The following PLEKHH2 variants were observed in gnomAD, a reference collection of about 807,000 sequenced individuals.
The protein encoded by PLEKHH2 is pleckstrin homology, MyTH4 and FERM domain containing H2.
A neutral mutation model predicts 187.9 loss-of-function variants in PLEKHH2; 129 were observed. The ratio of observed to expected loss-of-function variants is 0.69; its 90% CI spans 0.59 to 0.79. The LOEUF (loss-of-function observed/expected upper bound fraction) is 0.79. Ranked by LOEUF, PLEKHH2 falls within the 30% of genes least tolerant of loss-of-function variation. PLEKHH2 has a pLI of 0.00. For synonymous variants in PLEKHH2, 686 were observed against 605.6 expected (o/e 1.13, Z -1.95); for missense variants, 2,076 against 1,751.2 (o/e 1.19, Z -3.31).
rs767616575 is a variant in PLEKHH2 at position 43,729,645 on chromosome 2, G to A, written c.2730G>A (p.Trp910Ter). The A allele has an allele frequency of 6.3e-7, 1 of 1,593,682 alleles. No homozygotes were observed. Among genetic ancestry groups the A allele is most frequent in the Admixed American group, 1.8e-5 (1 of 55,506 alleles). ...TATGTTCTGGTTTTAAGGACACTTG[G>A]CTTTATCATCTGACTGTTGCAGCTG... ...LIGSKHEKDT[W>*]LYHLTVAAGS... The change falls in exon 18 of 30, where the codon TGG (tryptophan) becomes TGA (stop). Residue 910 changes from tryptophan to a stop codon, truncating the protein, a stop_gained. Coordinates refer to ENST00000282406, the MANE Select transcript of PLEKHH2 (RefSeq NM_172069.4). LOFTEE classifies it high-confidence loss of function.
rs1474995376 is a variant in PLEKHH2 at position 43,738,509 on chromosome 2, G to A, written c.3112G>A (p.Gly1038Arg). The A allele has an allele frequency of 6.2e-7, 1 of 1,607,534 alleles. No homozygotes were observed. The highest frequency in any genetic ancestry group is 1.7e-5 in the Admixed American group (1 of 59,198). Reference sequence around the variant, plus strand: ...ACGAAGACAGCCACAGAATCAACCAGGACCATTGCAGGTAGATATTAATAT... The same window carrying A: ...ACGAAGACAGCCACAGAATCAACCAAGACCATTGCAGGTAGATATTAATAT... The part of the protein sequence containing the change: ...TRRRQPQNQP[G>R]PLQGWQLLAL... The change falls in exon 20 of 30, where the codon GGA (glycine) becomes AGA (arginine). Residue 1038 changes from glycine (G) to arginine (R), a missense_variant. By Grantham distance (125) the Gly-to-Arg change is moderately radical. Transcript: ENST00000282406.
intron 3 of PLEKHH2, among the ~76,000 whole-genome samples, chr2:43,682,017 A>G (rs1345986570): frequency 2.0e-5 from 3 of 152,086 alleles, no homozygotes; most frequent in South Asian, 2.1e-4. Flanking sequence ...CACTTCAACA[A>G]TTAGTCAAGT....
chr2:43,703,916 CTTTTTTT>C (rs10530805), intron 8 of PLEKHH2, 58 bp from the exon 9 acceptor site: 15,573 of 382,562 alleles, frequency 0.041, 10 homozygotes, highest in Non-Finnish European at 0.048. Flanking sequence ...TGAAAGTAGT[CTTTTTTT>C]TTTTTTTTTT....
At chr2:43,677,801 G>A (rs1440875621) in intron 2 of PLEKHH2, among the ~76,000 whole-genome samples, 3 of 140,610 alleles carry the variant, frequency 2.1e-5, no homozygotes, top group African/African-American at 8.0e-5. Context: ...CTCACCTCCC[G>A]CACCGGGCAG....
Position 43,738,410 on chromosome 2 carries a change from A to G in PLEKHH2, c.3013A>G (p.Ser1005Gly). The change falls in exon 20 of 30, where the codon AGT (serine) becomes GGT (glycine). Residue 1005 changes from serine to glycine, a missense_variant. By Grantham distance (56) the Ser-to-Gly change is moderately conservative. Coordinates refer to ENST00000282406, the MANE Select transcript of PLEKHH2 (RefSeq NM_172069.4). ...TGATTACCACATATCTTTAGCCCAG[A>G]GTGCTTTGCAAATCTGCCTGACACA... The part of the protein sequence containing the change: ...AIDYHISLAQ[S>G]ALQICLTHPE... 1.9e-6 allele frequency: 3 copies of G among 1,614,074 alleles called. No individual in the cohort carries two copies. The highest frequency in any genetic ancestry group is 2.5e-6 in the Non-Finnish European group (3 of 1,179,942).
chr2:43,704,173 A>G (rs1259684240), intron 9 of PLEKHH2, 117 bp downstream of exon 9: 1 of 684,646 alleles, frequency 1.5e-6, no homozygotes, highest in Middle Eastern at 2.5e-4. Context: ...GATTCCACCT[A>G]AAGGAGGTGT....
At chr2:43,677,101 G>C (rs1375313487) in intron 2 of PLEKHH2, among the ~76,000 whole-genome samples, 1 of 152,036 alleles carries the variant, frequency 6.6e-6, no homozygotes, top group Non-Finnish European at 1.5e-5. Flanking sequence ...CTGGCATTTT[G>C]ATCAACTTTT....
chr2:43,675,217 A>G (rs534957393), intron 2 of PLEKHH2: 1 of 466,418 alleles, frequency 2.1e-6, no homozygotes, highest in South Asian at 6.7e-5. Context: ...TGGAGTCAAT[A>G]TGAAATATTA....
At chr2:43,725,676 A>T (rs1670703824) in intron 16 of PLEKHH2, among the ~76,000 whole-genome samples, 3 of 152,228 alleles carry the variant, frequency 2.0e-5, no homozygotes, top group Non-Finnish European at 4.4e-5. Flanking sequence ...CTACTGCATA[A>T]AAGTAGCATC....
At chr2:43,706,936 G>T (rs1669686165) in intron 10 of PLEKHH2, among the ~76,000 whole-genome samples, 1 of 152,072 alleles carries the variant, frequency 6.6e-6, no homozygotes, top group African/African-American at 2.4e-5. Flanking sequence ...GGTGGCTCAC[G>T]CCTGTAATCC....
chr2:43,704,902 C>T (rs1669579810), intron 9 of PLEKHH2, among the ~76,000 whole-genome samples: 1 of 152,056 alleles, frequency 6.6e-6, no homozygotes, highest in Non-Finnish European at 1.5e-5. Context: ...CAAATACACT[C>T]AACTCTGATG....
intron 25 of PLEKHH2, among the ~76,000 whole-genome samples, chr2:43,756,386 G>T (rs955932208): frequency 2.6e-5 from 4 of 151,938 alleles, no homozygotes; most frequent in African/African-American, 9.7e-5. Context: ...TCCGCCTCCT[G>T]GGTTCAAGCG....
At chr2:43,757,483 A>G (rs1216239121) in intron 26 of PLEKHH2, among the ~76,000 whole-genome samples, 1 of 147,670 alleles carries the variant, frequency 6.8e-6, no homozygotes, top group Non-Finnish European at 1.5e-5. Flanking sequence ...GCAGTGGCCC[A>G]ATCTCGGCTC....
At chr2:43,738,669 G>T in intron 20 of PLEKHH2, 149 bp downstream of exon 20, 3 of 743,972 alleles carry the variant, frequency 4.0e-6, no homozygotes, top group South Asian at 2.5e-5. Context: ...CTACCTTTTT[G>T]GTTTATTTAT....
intron 2 of PLEKHH2, among the ~76,000 whole-genome samples, chr2:43,648,164 G>C (rs1426975811): frequency 6.6e-6 from 1 of 152,046 alleles, no homozygotes; most frequent in Admixed American, 6.6e-5. Flanking sequence ...TTATTTTCCT[G>C]TGTCTTTCTG....
At chr2:43,676,885 A>G (rs1261475873) in intron 2 of PLEKHH2, among the ~76,000 whole-genome samples, 1 of 152,160 alleles carries the variant, frequency 6.6e-6, no homozygotes, top group Non-Finnish European at 1.5e-5. Flanking sequence ...AGTTCATGAG[A>G]ACACACCACT....
chr2:43,760,192 C>T (rs1240922807), intron 27 of PLEKHH2, among the ~76,000 whole-genome samples: 2 of 152,012 alleles, frequency 1.3e-5, no homozygotes, highest in African/African-American at 4.8e-5. Context: ...AATGTGCTTG[C>T]TGGCACAAAA....
Position 43,701,322 on chromosome 2 carries a change from C to T in PLEKHH2, c.1650+714C>T, listed in dbSNP as rs140341355. 2.6e-5 allele frequency among the ~76,000 whole-genome samples: 4 copies of T among 152,302 alleles called. 1 individual carries two copies. Among genetic ancestry groups the T allele is most frequent in the African/African-American group, 9.6e-5 (4 of 41,570 alleles). On this transcript the variant is annotated intron_variant, in intron 8 of 29. Transcript: ENST00000282406. The stretch of plus-strand genomic sequence containing the variant: ...AGAAAGGGGAGAGGAAGTTGCCAGG[C>T]TCTGCATGCCCAGTTTCTCCTTCTC...
intron 2 of PLEKHH2, among the ~76,000 whole-genome samples, chr2:43,672,353 T>A (rs923554007): frequency 6.6e-6 from 1 of 152,202 alleles, no homozygotes; most frequent in African/African-American, 2.4e-5. Context: ...TTTTTCTCTA[T>A]TTTTATGTTT....
Sources: allele counts gnomAD v4.1 joint callset (sites outside exome capture counted in the v4.1 genomes callset), GRCh38; gene constraint gnomAD v4.1.1; transcripts MANE v1.5; gene names NCBI Gene and HGNC (gene_info 2026-07-23, HGNC 2026-07-21).